GRM8: variants seen among roughly 807,000 people sequenced by gnomAD.
GRM8 encodes metabotropic glutamate receptor 8.
Under a neutral mutation model 87.2 loss-of-function variants are expected in GRM8, and 47 were observed. The ratio of observed to expected loss-of-function variants is 0.54; its 90% CI spans 0.43 to 0.69. The LOEUF is 0.69. Among genes scored for constraint, GRM8 ranks in the 30% least tolerant of loss-of-function variants. The pLI is 0.00. For missense variants in GRM8, 1,019 were observed against 1,139.2 expected, an observed-to-expected ratio of 0.89 and a Z score of 1.52; for synonymous variants, 396 against 404.5, an observed-to-expected ratio of 0.98 and a Z score of 0.25.
At chr7:127,005,954 T>C (rs1451575852) in intron 3 of GRM8, among the ~76,000 whole-genome samples, 1 of 151,858 alleles carries the variant, frequency 6.6e-6, no homozygotes, top group Non-Finnish European at 1.5e-5. Flanking sequence ...TATGTTTCCA[T>C]AACAAATTCA....
At chr7:126,605,525 G>A (rs1039495967) in intron 8 of GRM8, among the ~76,000 whole-genome samples, 1 of 151,986 alleles carries the variant, frequency 6.6e-6, no homozygotes, top group Non-Finnish European at 1.5e-5. Context: ...TAAAAAATTC[G>A]TTCAATCCAC....
At chr7:127,161,636 T>C (rs1329054444) in intron 2 of GRM8, among the ~76,000 whole-genome samples, 4 of 119,704 alleles carry the variant, frequency 3.3e-5, no homozygotes, top group Non-Finnish European at 7.2e-5. Context: ...TGAACGATGA[T>C]ATCTGAAAGA....
intron 2 of GRM8, among the ~76,000 whole-genome samples, chr7:127,115,842 C>T (rs1826667836): frequency 6.6e-6 from 1 of 152,150 alleles, no homozygotes; most frequent in South Asian, 2.1e-4. Context: ...TTAGGCTGGG[C>T]CCAGTGGCTT....
Position 126,448,972 on chromosome 7 carries a change from C to A in GRM8, c.2431-2600G>T, listed in dbSNP as rs112796812. The stretch of plus-strand genomic sequence containing the variant: ...ACATGGGTGATAAAAATAATCTGTA[C>A]AACAAACCCCCATGGCACAAGTTTA... On this transcript the variant is annotated intron_variant, in intron 9 of 10. Coordinates refer to ENST00000339582, the MANE Select transcript of GRM8 (RefSeq NM_000845.3). 4.0e-3 allele frequency among the ~76,000 whole-genome samples: 601 copies of A among 151,828 alleles called. 5 individuals are homozygous for A. Among genetic ancestry groups the A allele is most frequent in the African/African-American group, 0.014 (573 of 41,472 alleles).
intron 2 of GRM8, among the ~76,000 whole-genome samples, chr7:127,151,101 C>T (rs1828836982): frequency 6.6e-6 from 1 of 152,034 alleles, no homozygotes; most frequent in Non-Finnish European, 1.5e-5. Context: ...GTGTGGCTGC[C>T]TGGCTCCTTG....
intron 2 of GRM8, among the ~76,000 whole-genome samples, chr7:127,172,423 G>A (rs1041343606): frequency 2.0e-5 from 3 of 152,162 alleles, no homozygotes; most frequent in Non-Finnish European, 2.9e-5. Flanking sequence ...TCCACAATTT[G>A]GCTGGGTGTG....
chr7:127,073,510 G>A (rs1355062193), intron 3 of GRM8, among the ~76,000 whole-genome samples: 1 of 152,162 alleles, frequency 6.6e-6, no homozygotes, highest in African/African-American at 2.4e-5. Flanking sequence ...TCTGTTCTCT[G>A]CATCACCCAC....
At chr7:127,197,902 C>A (rs939983411) in intron 2 of GRM8, among the ~76,000 whole-genome samples, 4 of 152,090 alleles carry the variant, frequency 2.6e-5, no homozygotes, top group Middle Eastern at 3.2e-3. Context: ...ACACCCAGTG[C>A]CGTTTCTTTA....
intron 3 of GRM8, among the ~76,000 whole-genome samples, chr7:126,978,182 A>G (rs964950289): frequency 6.6e-6 from 1 of 151,938 alleles, no homozygotes; most frequent in Non-Finnish European, 1.5e-5. Flanking sequence ...AGGGAAGGAG[A>G]AAAAGAGTAG....
chr7:126,484,310 G>A (rs900164235), intron 9 of GRM8, among the ~76,000 whole-genome samples: 1 of 152,000 alleles, frequency 6.6e-6, no homozygotes, highest in Non-Finnish European at 1.5e-5. Flanking sequence ...CTCAGCCCAC[G>A]TGGTACGCAA....
intron 7 of GRM8, among the ~76,000 whole-genome samples, chr7:126,762,292 A>G (rs1318982334): frequency 6.6e-6 from 1 of 152,130 alleles, no homozygotes; most frequent in Non-Finnish European, 1.5e-5. Context: ...TATGTAGAGA[A>G]TTCAGACCTG....
At chr7:126,663,120 G>A (rs949208213) in intron 7 of GRM8, among the ~76,000 whole-genome samples, 9 of 152,182 alleles carry the variant, frequency 5.9e-5, no homozygotes, top group African/African-American at 2.2e-4. Flanking sequence ...TAAGCACTGA[G>A]CAGACCAATA....
intron 6 of GRM8, among the ~76,000 whole-genome samples, chr7:126,878,505 ATCG>A (rs373923955): frequency 1.6e-4 from 23 of 147,132 alleles, no homozygotes; most frequent in African/African-American, 3.3e-4. Context: ...ATCTTAATAT[ATCG>A]TCGTCTTCTT....
intron 2 of GRM8, among the ~76,000 whole-genome samples, chr7:127,150,908 A>C (rs747395303): frequency 1.1e-4 from 17 of 152,118 alleles, no homozygotes; most frequent in Non-Finnish European, 2.2e-4. Flanking sequence ...CCTCAAAAAC[A>C]AGATTGCTAT....
intron 2 of GRM8, among the ~76,000 whole-genome samples, chr7:127,211,973 T>C (rs1320697382): frequency 2.0e-5 from 3 of 152,182 alleles, no homozygotes; most frequent in Non-Finnish European, 4.4e-5. Flanking sequence ...TCAAACATAA[T>C]GGCAGCATTT....
At chr7:126,503,726 T>C (rs1004598883) in intron 9 of GRM8, among the ~76,000 whole-genome samples, 3 of 152,068 alleles carry the variant, frequency 2.0e-5, no homozygotes, top group East Asian at 1.9e-4. Flanking sequence ...ACTCACCAAA[T>C]AGCAGTGTGT....
At chr7:127,066,587 TA>T (rs1486522445) in intron 3 of GRM8, among the ~76,000 whole-genome samples, 2 of 152,194 alleles carry the variant, frequency 1.3e-5, no homozygotes, top group African/African-American at 4.8e-5. Flanking sequence ...ACATAGAATG[TA>T]TAGTGATGAG....
intron 7 of GRM8, among the ~76,000 whole-genome samples, chr7:126,610,359 T>C (rs952903993): frequency 6.6e-6 from 1 of 152,136 alleles, no homozygotes; most frequent in Admixed American, 6.6e-5. Flanking sequence ...TCTCTACATT[T>C]TTTTATTATT....
chr7:126,947,113 T>A (rs1807622102), intron 3 of GRM8, among the ~76,000 whole-genome samples: 1 of 152,226 alleles, frequency 6.6e-6, no homozygotes, highest in Non-Finnish European at 1.5e-5. Flanking sequence ...GTACCCTTTA[T>A]GAGGCTTCAT....
Sources: gnomAD v4.1 joint callset for allele counts (sites outside exome capture counted in the v4.1 genomes callset) on GRCh38, gnomAD v4.1.1 for gene constraint, MANE v1.5 for transcripts, NCBI Gene and HGNC (gene_info 2026-07-23, HGNC 2026-07-21) for gene names.